FAM227B: variants seen among roughly 807,000 people sequenced by gnomAD.
FAM227B encodes protein FAM227B.
FAM227B carries 88 observed loss-of-function variants against 73.8 expected under a neutral mutation model. The observed-to-expected ratio is 1.19, with a 90% CI of 1.00 to 1.42. The LOEUF (loss-of-function observed/expected upper bound fraction) is 1.42, where lower values mean the gene tolerates loss of function less well. Ranked by LOEUF, FAM227B falls within the 40% of genes most tolerant of loss-of-function variation. FAM227B has a pLI of 0.00. For missense variants in FAM227B, 632 were observed against 590.9 expected (o/e 1.07, Z -0.72); for synonymous variants, 210 against 190.5 (o/e 1.10, Z -0.84).
intron 3 of FAM227B, among the ~76,000 whole-genome samples, chr15:49,591,780 C>A (rs1305127147): frequency 3.3e-5 from 5 of 152,126 alleles, no homozygotes; most frequent in African/African-American, 1.2e-4. Context: ...CCACTGTGCC[C>A]AGCCTTTCTT....
chr15:49,586,969 G>T (rs2076205370), intron 5 of FAM227B, among the ~76,000 whole-genome samples: 1 of 151,932 alleles, frequency 6.6e-6, no homozygotes, highest in Admixed American at 6.6e-5. Flanking sequence ...GAAGCAGTTT[G>T]ATGATTTCTG....
intron 11 of FAM227B, among the ~76,000 whole-genome samples, chr15:49,377,334 G>C (rs964883334): frequency 1.3e-5 from 2 of 151,990 alleles, no homozygotes; most frequent in African/African-American, 4.8e-5. Context: ...CAGGAGTACA[G>C]ATATTTCTTT....
At chr15:49,361,870 A>G (rs1055245372) in intron 13 of FAM227B, among the ~76,000 whole-genome samples, 1 of 152,142 alleles carries the variant, frequency 6.6e-6, no homozygotes, top group Non-Finnish European at 1.5e-5. Context: ...CCAGCAGTGT[A>G]TAAGCATTCC....
At chr15:49,567,856 A>G (rs1185960943) in intron 9 of FAM227B, among the ~76,000 whole-genome samples, 1 of 152,108 alleles carries the variant, frequency 6.6e-6, no homozygotes, top group East Asian at 1.9e-4. Flanking sequence ...ACAGGTGCTT[A>G]GTCCTTGGGC....
Position 49,365,616 on chromosome 15 carries a change from G to A in FAM227B, c.1271+1832C>T, listed in dbSNP as rs536313546. Reference sequence around the variant, plus strand: ...CATTCTTTGTGATGAATGGTGTTATGAAAACAAAAAATACATCATAGAGGA... The same window carrying A: ...CATTCTTTGTGATGAATGGTGTTATAAAAACAAAAAATACATCATAGAGGA... On this transcript the variant is annotated intron_variant, in intron 13 of 15. Transcript: ENST00000299338. The A allele has an allele frequency of 6.7e-4, 737 of 1,106,806 alleles. 2 individuals are homozygous for A. Among genetic ancestry groups the A allele is most frequent in the Middle Eastern group, 5.0e-4 (2 of 4,018 alleles). 68.6% of individuals were successfully genotyped at this position (1,106,806 alleles called of 1,614,324 possible).
chr15:49,408,257 C>T (rs1202546110), intron 11 of FAM227B, among the ~76,000 whole-genome samples: 1 of 152,128 alleles, frequency 6.6e-6, no homozygotes, highest in East Asian at 1.9e-4. Context: ...GTATTCTGTA[C>T]TTTCTTCTAG....
intron 3 of FAM227B, among the ~76,000 whole-genome samples, chr15:49,598,768 T>G (rs568325603): frequency 1.3e-5 from 2 of 152,208 alleles, no homozygotes; most frequent in African/African-American, 4.8e-5. Flanking sequence ...TTGTATATGT[T>G]GAAACGTCCT....
At chr15:49,337,013 G>T (rs1765452344) in intron 13 of FAM227B, among the ~76,000 whole-genome samples, 1 of 152,124 alleles carries the variant, frequency 6.6e-6, no homozygotes, top group African/African-American at 2.4e-5. Flanking sequence ...TGCTGCAAAG[G>T]ACATGAGTTT....
intron 13 of FAM227B, among the ~76,000 whole-genome samples, chr15:49,364,599 C>T (rs2044802143): frequency 6.6e-6 from 1 of 152,092 alleles, no homozygotes; most frequent in African/African-American, 2.4e-5. Flanking sequence ...AAAAAACATA[C>T]TACAAAAATA....
At chr15:49,608,064 A>G (rs2077636701) in intron 3 of FAM227B, among the ~76,000 whole-genome samples, 1 of 152,186 alleles carries the variant, frequency 6.6e-6, no homozygotes, top group Non-Finnish European at 1.5e-5. Flanking sequence ...GAAAATCAAC[A>G]CTACTACTAG....
intron 3 of FAM227B, among the ~76,000 whole-genome samples, chr15:49,593,901 G>C (rs968709909): frequency 6.6e-6 from 1 of 152,172 alleles, no homozygotes; most frequent in African/African-American, 2.4e-5. Flanking sequence ...GCGAGTGCAA[G>C]TGTCTTTTTT....
intron 11 of FAM227B, among the ~76,000 whole-genome samples, chr15:49,380,016 C>G (rs2046419227): frequency 6.6e-6 from 1 of 152,146 alleles, no homozygotes; most frequent in Non-Finnish European, 1.5e-5. Context: ...CCAGAGGTGC[C>G]ATCCAGGAGT....
intron 10 of FAM227B, among the ~76,000 whole-genome samples, chr15:49,532,844 C>T (rs532317563): frequency 1.7e-4 from 26 of 151,734 alleles, no homozygotes; most frequent in Non-Finnish European, 3.2e-4. Context: ...GCTCATTCAC[C>T]AAAATATTTA....
At chr15:49,434,223 T>C (rs944958609) in intron 11 of FAM227B, among the ~76,000 whole-genome samples, 2 of 151,732 alleles carry the variant, frequency 1.3e-5, no homozygotes, top group Non-Finnish European at 1.5e-5. Context: ...TTGTAGGTGT[T>C]ACATAGTTTC....
Position 49,328,319 on chromosome 15 carries a change from G to A in FAM227B, c.*249C>T. ...AAAGAAATGGTTGAAAGCTCTCTAT[G>A]CTTCATAATGATTCTTTTTCCATCT... On this transcript the variant is annotated 3_prime_UTR_variant, in exon 16 of 16. Transcript: ENST00000299338. 3 of 1,432,606 alleles carry A rather than the reference G, an allele frequency of 2.1e-6. No individual in the cohort carries two copies. The highest frequency in any genetic ancestry group is 1.8e-6 in the Non-Finnish European group (2 of 1,097,292). The allele number at this position is 1,432,606 out of a possible 1,614,324, so 88.7% of individuals were successfully genotyped here.
chr15:49,328,971 TGATAATTCA>T lies in FAM227B; in HGVS notation c.1420-305_1420-297del, dbSNP rs1013690063. 8.1e-5 allele frequency: 86 copies of T among 1,055,858 alleles called. No individual in the cohort carries two copies. The African/African-American group carries it at 1.3e-3, about 16-fold the overall frequency. The allele number at this position is 1,055,858 out of a possible 1,614,324, so 65.4% of individuals were successfully genotyped here. ...ACATTGAAATAAAGAATTATCTAGATGATAATTCAGATAATTCAGTTTGTTCATAGAATT... is the reference window on the plus strand; with the variant it reads ...ACATTGAAATAAAGAATTATCTAGATGATAATTCAGTTTGTTCATAGAATT... On this transcript the variant is annotated intron_variant, in intron 15 of 15. Coordinates refer to ENST00000299338, the MANE Select transcript of FAM227B (RefSeq NM_152647.3).
At chr15:49,348,905 T>C (rs542021950) in intron 13 of FAM227B, among the ~76,000 whole-genome samples, 2 of 152,206 alleles carry the variant, frequency 1.3e-5, no homozygotes, top group Non-Finnish European at 2.9e-5. Flanking sequence ...TTCTCCTAAA[T>C]TGAACAAACC....
chr15:49,352,318 T>C (rs1021703286), intron 13 of FAM227B, among the ~76,000 whole-genome samples: 11 of 152,230 alleles, frequency 7.2e-5, no homozygotes, highest in Non-Finnish European at 4.4e-5. Context: ...GCAGTGAACA[T>C]TGATGCTATC....
chr15:49,329,062 G>C, intron 15 of FAM227B: 2 of 996,886 alleles, frequency 2.0e-6, no homozygotes, highest in Non-Finnish European at 2.4e-6. Context: ...TAATCCAAGA[G>C]GCACTTCCAA....
Sources: gnomAD v4.1 joint callset for allele counts (sites outside exome capture counted in the v4.1 genomes callset) on GRCh38, gnomAD v4.1.1 for gene constraint, MANE v1.5 for transcripts, NCBI Gene and HGNC (gene_info 2026-07-23, HGNC 2026-07-21) for gene names.